COBL: variants seen among roughly 807,000 people sequenced by gnomAD.
COBL encodes protein cordon-bleu.
Under a neutral mutation model 98.8 loss-of-function variants are expected in COBL, and 51 were observed. The observed-to-expected ratio is 0.52, with a 90% confidence interval of 0.41 to 0.65. The LOEUF (loss-of-function observed/expected upper bound fraction) is 0.65, where lower values mean the gene tolerates loss of function less well. COBL is among the 30% of genes least tolerant of loss of function. COBL has a pLI of 0.00. For missense variants in COBL, 1,617 were observed against 1,617.5 expected (o/e 1.00, Z 0.01); for synonymous variants, 634 against 651.7 (o/e 0.97, Z 0.41).
chr7:51,105,198 G>A (rs190897582), intron 6 of COBL, among the ~76,000 whole-genome samples: 6 of 151,964 alleles, frequency 3.9e-5, no homozygotes, highest in Admixed American at 6.6e-5. Flanking sequence ...TTCCAAGACC[G>A]CCATTAAAAG....
intron 1 of COBL, among the ~76,000 whole-genome samples, chr7:51,295,408 T>C (rs1035321418): frequency 2.0e-5 from 3 of 151,284 alleles, no homozygotes; most frequent in Non-Finnish European, 4.4e-5. Context: ...GGCAAAAAAA[T>C]AACGATTAAA....
chr7:51,078,935 G>A (rs1793360922), intron 7 of COBL, among the ~76,000 whole-genome samples: 1 of 152,252 alleles, frequency 6.6e-6, no homozygotes, highest in African/African-American at 2.4e-5. Context: ...TCCTCAGAGT[G>A]AGCAAGTGAG....
intron 8 of COBL, among the ~76,000 whole-genome samples, chr7:51,041,019 G>A (rs755807777): frequency 3.9e-5 from 6 of 152,252 alleles, no homozygotes; most frequent in Admixed American, 6.5e-5. Context: ...CAGAACAGAC[G>A]TGGAGATTAC....
intron 1 of COBL, among the ~76,000 whole-genome samples, chr7:51,246,547 C>T (rs550949421): frequency 2.6e-5 from 4 of 152,218 alleles, no homozygotes; most frequent in African/African-American, 7.2e-5. Context: ...TGTCAGCCCC[C>T]GTGAGGTGGA....
At chr7:51,224,557 A>C (rs1447987581) in intron 1 of COBL, among the ~76,000 whole-genome samples, 1 of 152,150 alleles carries the variant, frequency 6.6e-6, no homozygotes, top group African/African-American at 2.4e-5. Flanking sequence ...GAAGTCCCCA[A>C]AGAGAAAAAG....
intron 1 of COBL, among the ~76,000 whole-genome samples, chr7:51,302,448 G>C (rs1185901428): frequency 6.6e-6 from 1 of 152,020 alleles, no homozygotes; most frequent in African/African-American, 2.4e-5. Flanking sequence ...AGATGTGGTG[G>C]TGCATGCCTG....
At chr7:51,075,521 T>C (rs1792984655) in intron 7 of COBL, among the ~76,000 whole-genome samples, 1 of 152,234 alleles carries the variant, frequency 6.6e-6, no homozygotes, top group African/African-American at 2.4e-5. Flanking sequence ...TTTTAGTATT[T>C]GTTACCTCTG....
At chr7:51,254,936 T>G (rs1345634544) in intron 1 of COBL, among the ~76,000 whole-genome samples, 1 of 152,208 alleles carries the variant, frequency 6.6e-6, no homozygotes, top group Non-Finnish European at 1.5e-5. Flanking sequence ...GCTCTAACAA[T>G]ACTTAAAAAG....
chr7:51,062,286 T>A (rs1791457092), intron 7 of COBL, among the ~76,000 whole-genome samples: 1 of 152,004 alleles, frequency 6.6e-6, no homozygotes, highest in Admixed American at 6.6e-5. Context: ...TCTCTCTCTC[T>A]CTCTCTTTAA....
chr7:51,293,736 G>C (rs961345391), intron 1 of COBL, among the ~76,000 whole-genome samples: 5 of 152,282 alleles, frequency 3.3e-5, no homozygotes, highest in African/African-American at 4.8e-5. Context: ...CAATCACAAA[G>C]AGGAAAAAGA....
chr7:51,286,104 C>T (rs1800336973), intron 1 of COBL, among the ~76,000 whole-genome samples: 1 of 152,056 alleles, frequency 6.6e-6, no homozygotes, highest in South Asian at 2.1e-4. Context: ...ACAATTAACT[C>T]AAAATGGACC....
Position 51,167,613 on chromosome 7 carries a change from TAG to T in COBL, c.783+16487_783+16488del, listed in dbSNP as rs1183427587. On this transcript the variant is annotated intron_variant, in intron 5 of 12. Transcript: ENST00000265136. ...ATATGGAACTATAAAAGAGCGAGAA[TAG>T]TCAAAGCTATCCTAAGCAAAAATAA... Among the ~76,000 whole-genome samples, 5 of 152,190 alleles carry T rather than the reference TAG, an allele frequency of 3.3e-5. No individual in the cohort carries two copies. The East Asian group carries it at 7.7e-4, about 24-fold the overall frequency.
intron 6 of COBL, among the ~76,000 whole-genome samples, chr7:51,134,501 T>C (rs1442669545): frequency 6.6e-6 from 1 of 152,160 alleles, no homozygotes; most frequent in African/African-American, 2.4e-5. Flanking sequence ...TGCAGAAAAA[T>C]ACAACATCTC....
At chr7:51,140,538 T>A (rs546420844) in intron 5 of COBL, among the ~76,000 whole-genome samples, 39 of 152,312 alleles carry the variant, frequency 2.6e-4, no homozygotes, top group African/African-American at 8.7e-4. Context: ...TATGTATGCA[T>A]GGGTGTGTGT....
At chr7:51,065,549 G>A in intron 7 of COBL, 1 of 611,592 alleles carries the variant, frequency 1.6e-6, no homozygotes, top group Non-Finnish European at 2.9e-6. Flanking sequence ...GCTACAGCCA[G>A]CTTTGGGCAA....
chr7:51,056,321 G>A (rs1402489799), intron 7 of COBL, among the ~76,000 whole-genome samples: 1 of 151,858 alleles, frequency 6.6e-6, no homozygotes, highest in Non-Finnish European at 1.5e-5. Flanking sequence ...AGATGCTGGA[G>A]AAAACAGAGG....
intron 1 of COBL, among the ~76,000 whole-genome samples, chr7:51,239,642 C>T (rs1047679788): frequency 3.9e-5 from 6 of 152,204 alleles, no homozygotes; most frequent in African/African-American, 1.4e-4. Flanking sequence ...GCCTCCAATT[C>T]TTTCTTGCAT....
chr7:51,141,284 T>C (rs1799718338), intron 5 of COBL, among the ~76,000 whole-genome samples: 1 of 152,216 alleles, frequency 6.6e-6, no homozygotes. Context: ...GATTTCTGTT[T>C]CAAGGTTAAG....
intron 5 of COBL, among the ~76,000 whole-genome samples, chr7:51,145,831 C>G (rs1341786563): frequency 6.6e-6 from 1 of 152,174 alleles, no homozygotes; most frequent in African/African-American, 2.4e-5. Context: ...AGCCGTCTTT[C>G]GTGTGTGTGA....
Sources: allele counts gnomAD v4.1 joint callset (sites outside exome capture counted in the v4.1 genomes callset), GRCh38; gene constraint gnomAD v4.1.1; transcripts MANE v1.5; gene names NCBI Gene and HGNC (gene_info 2026-07-23, HGNC 2026-07-21).